POC1B: variants seen among roughly 807,000 people sequenced by gnomAD.
The protein encoded by POC1B is POC1 centriolar protein B.
Under a neutral mutation model 60.6 loss-of-function variants are expected in POC1B, and 44 were observed. The observed-to-expected ratio is 0.73, with a 90% confidence interval of 0.57 to 0.93. POC1B has a LOEUF of 0.93. Among genes scored for constraint, POC1B ranks in the 40% least tolerant of loss-of-function variants. The probability of loss-of-function intolerance (pLI) is 0.00; values close to 1 mark genes in which losing one functional copy is unlikely to be tolerated. For synonymous variants in POC1B, 180 were observed against 198.9 expected (o/e 0.90, Z 0.80); for missense variants, 555 against 572.3 (o/e 0.97, Z 0.31).
intron 2 of POC1B, chr12:89,500,955 A>G: frequency 1.1e-6 from 1 of 895,416 alleles, no homozygotes; most frequent in Non-Finnish European, 1.8e-6. Context: ...GCATGGAGGA[A>G]TTGTTCCACC....
chr12:89,501,765 C>T, intron 2 of POC1B: 1 of 953,764 alleles, frequency 1.0e-6, no homozygotes. Context: ...CACTGCATCA[C>T]AACAGTAGGC....
intron 10 of POC1B, among the ~76,000 whole-genome samples, chr12:89,431,010 T>C (rs1881007328): frequency 6.6e-6 from 1 of 152,150 alleles, no homozygotes; most frequent in South Asian, 2.1e-4. Flanking sequence ...TGTAAGCATA[T>C]ATTATCTAAC....
At chr12:89,507,518 T>G (rs908281978) in intron 2 of POC1B, among the ~76,000 whole-genome samples, 6 of 152,194 alleles carry the variant, frequency 3.9e-5, no homozygotes, top group Non-Finnish European at 7.3e-5. Context: ...ACCATTCATC[T>G]TCAACGGGTC....
chr12:89,447,507 C>T (rs1056771217), intron 10 of POC1B, among the ~76,000 whole-genome samples: 2 of 152,030 alleles, frequency 1.3e-5, no homozygotes, highest in Non-Finnish European at 2.9e-5. Context: ...TAGTCAAATT[C>T]TTCAAATTTC....
rs2120628762 is a variant in POC1B at position 89,420,969 on chromosome 12, T to G, written c.*184A>C. ...TAAATTAGTCCTTCACATTGATATG[T>G]GTTTAAATTAGTCCTTAGGTATGCC... is the stretch of plus-strand genomic sequence containing the variant. On this transcript the variant is annotated 3_prime_UTR_variant, in exon 12 of 12. Coordinates refer to ENST00000313546, the MANE Select transcript of POC1B (RefSeq NM_172240.3). 2.2e-6 allele frequency: 1 copy of G among 451,272 alleles called. No individual in the cohort carries two copies. The highest frequency in any genetic ancestry group is 6.0e-5 in the South Asian group (1 of 16,598). 28.0% of individuals were successfully genotyped at this position (451,272 alleles called of 1,614,324 possible).
At chr12:89,455,180 C>G (rs970645148) in intron 10 of POC1B, among the ~76,000 whole-genome samples, 3 of 151,940 alleles carry the variant, frequency 2.0e-5, no homozygotes, top group African/African-American at 7.3e-5. Context: ...CTAAAAAATA[C>G]AAAAATTAGC....
chr12:89,466,613 T>G, intron 9 of POC1B, 157 bp downstream of exon 9: 2 of 612,522 alleles, frequency 3.3e-6, no homozygotes, highest in East Asian at 3.1e-5. Flanking sequence ...ATATAAAACT[T>G]TATTACACAC....
chr12:89,509,092 A>G (rs1485006399), intron 2 of POC1B, among the ~76,000 whole-genome samples: 1 of 152,226 alleles, frequency 6.6e-6, no homozygotes, highest in Non-Finnish European at 1.5e-5. Context: ...TCTATGATTT[A>G]CTACTTAATT....
intron 10 of POC1B, among the ~76,000 whole-genome samples, chr12:89,458,857 A>G (rs1292802620): frequency 6.6e-6 from 1 of 152,180 alleles, no homozygotes; most frequent in Non-Finnish European, 1.5e-5. Context: ...TGTGGCAGTG[A>G]TTTGCCTTGG....
chr12:89,525,551 C>CTTT (rs111898396), intron 1 of POC1B: 798 of 1,131,810 alleles, frequency 7.1e-4, no homozygotes, highest in South Asian at 3.0e-3. Context: ...GGCTTTGGTA[C>CTTT]TTTTTTTTTT....
intron 2 of POC1B, among the ~76,000 whole-genome samples, chr12:89,503,994 C>T (rs1329522472): frequency 6.6e-6 from 1 of 150,468 alleles, no homozygotes; most frequent in Non-Finnish European, 1.5e-5. Context: ...AGGTGGGGGG[C>T]GCCTCTGCCC....
chr12:89,525,988 C>T lies in POC1B; in HGVS notation c.-93G>A. On this transcript the variant is annotated 5_prime_UTR_variant, in exon 1 of 12. Transcript: ENST00000313546. Reference sequence around the variant, plus strand: ...GAAGGAGAGGGGACCGTGCGGCTCCCGGAACCGTCTGCCCAGAGCGGCAGC... The same window carrying T: ...GAAGGAGAGGGGACCGTGCGGCTCCTGGAACCGTCTGCCCAGAGCGGCAGC... The T allele has an allele frequency of 1.9e-6, 3 of 1,543,384 alleles. No homozygotes were observed. Among genetic ancestry groups the T allele is most frequent in the Admixed American group, 2.0e-5 (1 of 50,712 alleles).
At position 89,421,087 on chromosome 12, in the gene POC1B, C is replaced by T. The variant is rs1880510254; in HGVS notation, c.*66G>A. On this transcript the variant is annotated 3_prime_UTR_variant, in exon 12 of 12. Transcript: ENST00000313546. ...TGTATGGAGTATCTTGTACTACCTT[C>T]CTGAGTGTATGTACATTTGTTCATT... 5 of 1,236,918 alleles carry T rather than the reference C, an allele frequency of 4.0e-6. No individual in the cohort carries two copies. The South Asian group carries it at 6.7e-5, about 17-fold the overall frequency. 76.6% of individuals were successfully genotyped at this position (1,236,918 alleles called of 1,614,324 possible). A position where few individuals can be genotyped will look rare whatever the true frequency, so the allele number is the denominator to read the frequency against.
At chr12:89,412,968 G>C in the POC1B span, among the ~76,000 whole-genome samples, 1 of 150,670 alleles carries the variant, frequency 6.6e-6, no homozygotes, top group Middle Eastern at 3.2e-3. Flanking sequence ...GCATGATATC[G>C]GCTCACTGCA....
chr12:89,434,472 T>C (rs182639092), intron 10 of POC1B, among the ~76,000 whole-genome samples: 20 of 152,314 alleles, frequency 1.3e-4, no homozygotes, highest in Admixed American at 1.0e-3. Flanking sequence ...CTAGGACAAA[T>C]GGAATCTGTA....
At chr12:89,411,696 T>C in the POC1B span, among the ~76,000 whole-genome samples, 1 of 152,240 alleles carries the variant, frequency 6.6e-6, no homozygotes, top group Admixed American at 6.5e-5. Context: ...GTTGCATCTT[T>C]AATCTCTCCT....
intron 11 of POC1B, among the ~76,000 whole-genome samples, chr12:89,423,245 C>T (rs773169827): frequency 3.9e-5 from 6 of 152,120 alleles, no homozygotes; most frequent in Admixed American, 6.5e-5. Flanking sequence ...CTGGGCGAAT[C>T]GCTTGAGCCC....
chr12:89,488,161 AACG>A (rs902380086), intron 4 of POC1B, among the ~76,000 whole-genome samples: 4 of 37,664 alleles, frequency 1.1e-4, no homozygotes, highest in Admixed American at 3.8e-4. Context: ...GATTCAATAC[AACG>A]ACAACGAATA....
chr12:89,501,665 G>T, intron 2 of POC1B: 1 of 1,117,352 alleles, frequency 8.9e-7, no homozygotes. Flanking sequence ...ACGAGAAGTC[G>T]AAGAATTTCC....
Sources: gnomAD v4.1 joint callset for allele counts (sites outside exome capture counted in the v4.1 genomes callset) on GRCh38, gnomAD v4.1.1 for gene constraint, MANE v1.5 for transcripts, NCBI Gene and HGNC (gene_info 2026-07-23, HGNC 2026-07-21) for gene names.